LRRC4C: variants seen among roughly 807,000 people sequenced by gnomAD.
LRRC4C encodes leucine-rich repeat-containing protein 4C.
A neutral mutation model predicts 33.6 loss-of-function variants in LRRC4C; 5 were observed. The observed-to-expected ratio is 0.15, with a 90% CI of 0.08 to 0.31. The LOEUF is 0.31. Ranked by LOEUF, LRRC4C falls within the 10% of genes least tolerant of loss-of-function variation. The pLI, the probability that LRRC4C is intolerant of heterozygous loss-of-function variation, is 1.00. For missense variants in LRRC4C, 560 were observed against 796.7 expected (o/e 0.70, Z 3.58); for synonymous variants, 329 against 302.0 (o/e 1.09, Z -0.93).
At chr11:40,456,921 GA>G (rs1401628476) in intron 3 of LRRC4C, among the ~76,000 whole-genome samples, 5 of 126,808 alleles carry the variant, frequency 3.9e-5, no homozygotes, top group South Asian at 2.7e-4. Flanking sequence ...AAAGGAAGGG[GA>G]AAAAAAAGAA....
chr11:40,672,791 C>A (rs936523603), intron 2 of LRRC4C, among the ~76,000 whole-genome samples: 1 of 152,122 alleles, frequency 6.6e-6, no homozygotes. Flanking sequence ...TCAGTCAAAT[C>A]ATGTTTTTAT....
At chr11:40,540,002 C>T (rs1339194804) in intron 3 of LRRC4C, among the ~76,000 whole-genome samples, 1 of 152,082 alleles carries the variant, frequency 6.6e-6, no homozygotes, top group Non-Finnish European at 1.5e-5. Flanking sequence ...AGGAATAAAT[C>T]AGATATCCCA....
intron 3 of LRRC4C, among the ~76,000 whole-genome samples, chr11:40,458,858 G>C (rs1482709901): frequency 6.6e-6 from 1 of 151,958 alleles, no homozygotes; most frequent in Non-Finnish European, 1.5e-5. Context: ...TGTTTTCCTA[G>C]GTTTTTTATT....
chr11:41,398,311 G>A (rs896707173), intron 1 of LRRC4C, among the ~76,000 whole-genome samples: 1 of 151,920 alleles, frequency 6.6e-6, no homozygotes, highest in Non-Finnish European at 1.5e-5. Flanking sequence ...CTTGCAGGGT[G>A]TGAATGTAGT....
At chr11:40,826,231 C>A (rs1392526242) in intron 2 of LRRC4C, among the ~76,000 whole-genome samples, 1 of 151,936 alleles carries the variant, frequency 6.6e-6, no homozygotes, top group Non-Finnish European at 1.5e-5. Context: ...TTTTTCTTTG[C>A]AGTCAATATG....
chr11:41,311,565 G>A (rs2137183810), intron 1 of LRRC4C, among the ~76,000 whole-genome samples: 1 of 152,204 alleles, frequency 6.6e-6, no homozygotes, highest in South Asian at 2.1e-4. Context: ...TAAGTATTAT[G>A]AATAACTCAT....
intron 4 of LRRC4C, among the ~76,000 whole-genome samples, chr11:40,288,378 A>G (rs1943982277): frequency 6.6e-6 from 1 of 152,208 alleles, no homozygotes; most frequent in African/African-American, 2.4e-5. Context: ...CAGATTTCAA[A>G]TTGTTTTCAT....
At chr11:40,587,882 A>T (rs1399797293) in intron 3 of LRRC4C, among the ~76,000 whole-genome samples, 1 of 152,076 alleles carries the variant, frequency 6.6e-6, no homozygotes, top group Non-Finnish European at 1.5e-5. Flanking sequence ...TTTTGCCACT[A>T]TTTTATTGAG....
intron 1 of LRRC4C, among the ~76,000 whole-genome samples, chr11:41,198,760 A>G (rs1348937713): frequency 6.6e-6 from 1 of 152,106 alleles, no homozygotes; most frequent in Non-Finnish European, 1.5e-5. Flanking sequence ...ATTTCTTTAC[A>G]GCGGTAGAAG....
At chr11:41,088,804 C>A (rs942823275) in intron 1 of LRRC4C, among the ~76,000 whole-genome samples, 20 of 151,990 alleles carry the variant, frequency 1.3e-4, no homozygotes, top group African/African-American at 4.8e-4. Flanking sequence ...CTGAAAGAGA[C>A]TATCCACAAA....
intron 1 of LRRC4C, among the ~76,000 whole-genome samples, chr11:41,356,272 C>G (rs1313284507): frequency 6.6e-6 from 1 of 152,140 alleles, no homozygotes; most frequent in Non-Finnish European, 1.5e-5. Context: ...GATGTGATCT[C>G]AAACAATTTG....
intron 3 of LRRC4C, among the ~76,000 whole-genome samples, chr11:40,349,402 AT>A (rs34867723): frequency 2.0e-4 from 30 of 149,154 alleles, no homozygotes; most frequent in African/African-American, 3.7e-4. Flanking sequence ...ACAGAATCTC[AT>A]TTTTTTTTTA....
At chr11:40,677,148 G>A (rs1185351978) in intron 2 of LRRC4C, among the ~76,000 whole-genome samples, 1 of 152,130 alleles carries the variant, frequency 6.6e-6, no homozygotes, top group African/African-American at 2.4e-5. Context: ...CACTTTGGGA[G>A]GCAGAGAGGG....
intron 1 of LRRC4C, among the ~76,000 whole-genome samples, chr11:41,173,433 A>G (rs1434600549): frequency 6.6e-6 from 1 of 152,158 alleles, no homozygotes; most frequent in Admixed American, 6.6e-5. Flanking sequence ...ACCCTTTGAT[A>G]TTCATGCTAG....
At chr11:41,124,241 A>C (rs1197164487) in intron 1 of LRRC4C, among the ~76,000 whole-genome samples, 1 of 152,174 alleles carries the variant, frequency 6.6e-6, no homozygotes, top group Non-Finnish European at 1.5e-5. Flanking sequence ...ATCAATTTAG[A>C]AATGAAGAAA....
intron 1 of LRRC4C, among the ~76,000 whole-genome samples, chr11:41,321,400 T>C (rs1950955632): frequency 6.6e-6 from 1 of 152,190 alleles, no homozygotes; most frequent in African/African-American, 2.4e-5. Flanking sequence ...TTGCCCAACA[T>C]GCTAGATTTA....
chr11:41,332,720 T>A (rs1951334049), intron 1 of LRRC4C, among the ~76,000 whole-genome samples: 1 of 152,236 alleles, frequency 6.6e-6, no homozygotes, highest in South Asian at 2.1e-4. Flanking sequence ...TGTGCGAACT[T>A]TTCTAATGTC....
chr11:41,224,832 T>C (rs1947459701), intron 1 of LRRC4C, among the ~76,000 whole-genome samples: 1 of 152,168 alleles, frequency 6.6e-6, no homozygotes, highest in Admixed American at 6.6e-5. Context: ...AAAAGGAAAC[T>C]TGATACAGCT....
intron 1 of LRRC4C, among the ~76,000 whole-genome samples, chr11:41,007,829 C>A (rs1358798760): frequency 6.6e-6 from 1 of 152,052 alleles, no homozygotes; most frequent in East Asian, 1.9e-4. Context: ...AGGTTCATAT[C>A]CAACTTAATA....
Sources: allele counts gnomAD v4.1 joint callset (sites outside exome capture counted in the v4.1 genomes callset), GRCh38; gene constraint gnomAD v4.1.1; transcripts MANE v1.5; gene names NCBI Gene and HGNC (gene_info 2026-07-23, HGNC 2026-07-21).